Variants in POTEJ observed in about 807,000 individuals in gnomAD.
POTEJ encodes the protein POTE ankyrin domain family member J, also known as POTE ankyrin domain family, member J.
POTEJ carries 11 observed loss-of-function variants against 69.0 expected under a neutral mutation model. The ratio of observed to expected loss-of-function variants is 0.16; its 90% confidence interval spans 0.10 to 0.26. POTEJ has a LOEUF of 0.26. POTEJ is among the 10% of genes least tolerant of loss of function. The pLI, the probability that POTEJ is intolerant of heterozygous loss-of-function variation, is 1.00. For missense variants in POTEJ, 327 were observed against 1,045.5 expected, an observed-to-expected ratio of 0.31 and a Z score of 9.48; for synonymous variants, 117 against 381.1, an observed-to-expected ratio of 0.31 and a Z score of 8.07.
In POTEJ at chr2:130,646,384, T is replaced by C. The variant is rs1336111968; in HGVS notation, c.1667+74T>C. On this transcript the variant is annotated intron_variant, in intron 13 of 14. Transcript: ENST00000409602. ...TAATCCTAATTTGAGCTAATATTCA[T>C]GATGAACAAATTTTATACTTTTATT... is the stretch of plus-strand genomic sequence containing the variant. 19 of 506,248 alleles carry C rather than the reference T, an allele frequency of 3.8e-5. 2 individuals are homozygous for C. Among genetic ancestry groups the C allele is most frequent in the South Asian group, 6.9e-5 (3 of 43,662 alleles). 31.4% of individuals were successfully genotyped at this position (506,248 alleles called of 1,614,324 possible). A position where few individuals can be genotyped will look rare whatever the true frequency, so the allele number is the denominator to read the frequency against.
chr2:130,657,071 G>A lies in POTEJ; in HGVS notation c.2311G>A (p.Ala771Thr), dbSNP rs755328446. 1.3e-5 allele frequency: 20 copies of A among 1,580,596 alleles called. No homozygotes were observed. In the East Asian group the frequency reaches 3.8e-4, roughly 30 times the overall value. ...PEEHPILLTEAPLNPKANREK... is the reference protein window; with the variant it reads ...PEEHPILLTETPLNPKANREK... ...GGAGCACCCCATCCTGCTGACCGAG[G>A]CCCCCCTGAACCCCAAGGCCAACCG... Residue 771 changes from alanine (A) to threonine (T), a missense_variant, in exon 15 of 15, where the codon GCC becomes ACC. Ala to Thr is a moderately conservative substitution (Grantham distance 58, BLOSUM62 0). Transcript: ENST00000409602.
At chr2:130,647,068 C>A (rs1686606386) in intron 13 of POTEJ, among the ~76,000 whole-genome samples, 3 of 150,484 alleles carry the variant, frequency 2.0e-5, no homozygotes, top group African/African-American at 7.6e-5. Flanking sequence ...AAATTTGGAG[C>A]TAGTCTAATT....
Position 130,622,892 on chromosome 2 carries a change from C to T in POTEJ, c.945-1172C>T, listed in dbSNP as rs370365517. ...ATTGGAACAATACGGGGAAAGTTAG[C>T]GTGGCTTCTGCATAAGGAGGCAGCA... On this transcript the variant is annotated intron_variant, in intron 5 of 14. Coordinates refer to ENST00000409602, the MANE Select transcript of POTEJ (RefSeq NM_001277083.2). 7.8e-4 allele frequency: 115 copies of T among 147,682 alleles called. No homozygotes were observed. In the East Asian group the frequency reaches 0.014, roughly 18 times the overall value. The allele number at this position is 147,682 out of a possible 1,614,324, so 9.1% of individuals were successfully genotyped here.
chr2:130,625,054 G>C (rs1432830532), intron 6 of POTEJ, among the ~76,000 whole-genome samples: 2 of 152,148 alleles, frequency 1.3e-5, no homozygotes, highest in African/African-American at 2.4e-5. Flanking sequence ...CTACCTGGTT[G>C]TGGACACCTA....
upstream of POTEJ, chr2:130,611,405 G>C: frequency 1.9e-6 from 1 of 526,268 alleles, no homozygotes; most frequent in Non-Finnish European, 3.3e-6. Context: ...GGGGTTGGCA[G>C]GTTTTGGCTG....
chr2:130,614,606 C>T (rs1289688066), intron 1 of POTEJ, among the ~76,000 whole-genome samples: 1 of 144,790 alleles, frequency 6.9e-6, no homozygotes, highest in African/African-American at 2.8e-5. Context: ...AGCTGAAAAT[C>T]TGTAGAAAAT....
chr2:130,629,053 T>C, intron 6 of POTEJ, among the ~76,000 whole-genome samples: 1 of 152,190 alleles, frequency 6.6e-6, no homozygotes, highest in African/African-American at 2.4e-5. Flanking sequence ...AAAATAAATA[T>C]GTCCGAATCG....
At chr2:130,620,413 A>C (rs1444341429) in intron 4 of POTEJ, among the ~76,000 whole-genome samples, 1 of 143,842 alleles carries the variant, frequency 7.0e-6, no homozygotes, top group Non-Finnish European at 1.5e-5. Context: ...AAGGCATTTC[A>C]TATTAATTTT....
Position 130,613,277 on chromosome 2 carries a change from T to C in POTEJ, c.410+1335T>C, listed in dbSNP as rs1235631500. Among the ~76,000 whole-genome samples, 116 of 56,124 alleles carry C rather than the reference T, an allele frequency of 2.1e-3. 2 individuals are homozygous for C. The highest frequency in any genetic ancestry group is 0.015 in the African/African-American group (62 of 4,176). The allele number at this position is 56,124 out of a possible 152,430, so 36.8% of individuals were successfully genotyped here. On this transcript the variant is annotated intron_variant, in intron 1 of 14. Coordinates refer to ENST00000409602, the MANE Select transcript of POTEJ (RefSeq NM_001277083.2). ...ATACACATATATACATATATATACA[T>C]ATGTATATATACATATATATACATA...
intron 9 of POTEJ, among the ~76,000 whole-genome samples, chr2:130,637,734 TA>T (rs1394296460): frequency 1.9e-4 from 28 of 147,800 alleles, no homozygotes; most frequent in African/African-American, 5.5e-4. Context: ...TCGTGGAACC[TA>T]AAAAAAAAAA....
At chr2:130,655,673 G>T (rs1364355657) in intron 14 of POTEJ, among the ~76,000 whole-genome samples, 1 of 151,686 alleles carries the variant, frequency 6.6e-6, no homozygotes, top group Admixed American at 6.6e-5. Context: ...AAAAGTTACC[G>T]CAATGGCAAA....
intron 1 of POTEJ, among the ~76,000 whole-genome samples, chr2:130,612,497 T>A (rs1482977555): frequency 6.6e-6 from 1 of 152,406 alleles, no homozygotes; most frequent in East Asian, 1.9e-4. Context: ...CTGGGCGCGG[T>A]GGCTCATGCC....
Position 130,657,938 on chromosome 2 carries a change from A to G in POTEJ, c.*61A>G. 2.3e-6 allele frequency: 1 copy of G among 426,282 alleles called. No homozygotes were observed. Among genetic ancestry groups the G allele is most frequent in the Non-Finnish European group, 4.1e-6 (1 of 245,254 alleles). 26.4% of individuals were successfully genotyped at this position (426,282 alleles called of 1,614,324 possible). A position where few individuals can be genotyped will look rare whatever the true frequency, so the allele number is the denominator to read the frequency against. The stretch of plus-strand genomic sequence containing the variant: ...GACAAAACCAAACTTCTCAGAAAAC[A>G]ACATGAGATTGGCATGGCTTTATTT... On this transcript the variant is annotated 3_prime_UTR_variant, in exon 15 of 15. Coordinates refer to ENST00000409602, the MANE Select transcript of POTEJ (RefSeq NM_001277083.2).
At chr2:130,615,984 G>GA (rs1685397464) in intron 1 of POTEJ, among the ~76,000 whole-genome samples, 1 of 135,714 alleles carries the variant, frequency 7.4e-6, no homozygotes, top group African/African-American at 3.1e-5. Context: ...GTTTATTTTA[G>GA]AAATTTGTTT....
chr2:130,648,796 T>TTTTG (rs1686691210), intron 13 of POTEJ, among the ~76,000 whole-genome samples: 3 of 109,452 alleles, frequency 2.7e-5, no homozygotes, highest in African/African-American at 1.3e-4. Flanking sequence ...TTTTTTTTTT[T>TTTTG]TTTTTTTTTT....
intron 8 of POTEJ, among the ~76,000 whole-genome samples, 170 bp downstream of exon 8, chr2:130,631,623 A>G (rs2105223284): frequency 1.4e-5 from 2 of 141,842 alleles, no homozygotes; most frequent in Admixed American, 1.4e-4. Flanking sequence ...AGTTTTCAAG[A>G]GATACAAACC....
At chr2:130,644,291 A>T (rs1208025492) in intron 11 of POTEJ, among the ~76,000 whole-genome samples, 1 of 145,474 alleles carries the variant, frequency 6.9e-6, no homozygotes, top group African/African-American at 2.5e-5. Flanking sequence ...TAACATGGTG[A>T]AACCCCGTCT....
intron 1 of POTEJ, among the ~76,000 whole-genome samples, chr2:130,613,173 T>C (rs531902251): frequency 6.9e-6 from 1 of 145,688 alleles, no homozygotes; most frequent in Non-Finnish European, 1.5e-5. Context: ...ATTTTAAACA[T>C]ACAAAAGGAG....
intron 6 of POTEJ, among the ~76,000 whole-genome samples, chr2:130,624,726 G>C (rs1232612804): frequency 6.6e-6 from 1 of 151,928 alleles, no homozygotes; most frequent in Admixed American, 6.6e-5. Context: ...AAAAGTAAAA[G>C]TAAGGAATTT....
Sources: allele counts gnomAD v4.1 joint callset (sites outside exome capture counted in the v4.1 genomes callset), GRCh38; gene constraint gnomAD v4.1.1; transcripts MANE v1.5; gene names NCBI Gene and HGNC (gene_info 2026-07-23, HGNC 2026-07-21).